The following DMTF1 variants were observed in gnomAD, a reference collection of about 807,000 sequenced individuals.
The protein encoded by DMTF1 is cyclin-D-binding Myb-like transcription factor 1.
Under a neutral mutation model 91.1 loss-of-function variants are expected in DMTF1, and 39 were observed. The observed-to-expected ratio is 0.43, with a 90% CI of 0.33 to 0.56. DMTF1 has a LOEUF of 0.56. Among genes scored for constraint, DMTF1 ranks in the 20% least tolerant of loss-of-function variants. The pLI, the probability that DMTF1 is intolerant of heterozygous loss-of-function variation, is 0.05. For missense variants in DMTF1, 750 were observed against 914.5 expected (o/e 0.82, Z 2.32); for synonymous variants, 338 against 309.5 (o/e 1.09, Z -0.97).
At chr7:87,153,640 T>C (rs929288018) in intron 1 of DMTF1, among the ~76,000 whole-genome samples, 2 of 152,244 alleles carry the variant, frequency 1.3e-5, no homozygotes, top group African/African-American at 4.8e-5. Context: ...CTTTTTAATG[T>C]ACATGGATTT....
chr7:87,164,597 C>G (rs1793365250), intron 2 of DMTF1, among the ~76,000 whole-genome samples: 1 of 152,134 alleles, frequency 6.6e-6, no homozygotes, highest in Admixed American at 6.5e-5. Flanking sequence ...CAAAGCTGTC[C>G]ATAAAAACAC....
intron 6 of DMTF1, among the ~76,000 whole-genome samples, chr7:87,174,238 A>C (rs1364146115): frequency 6.6e-6 from 1 of 152,220 alleles, no homozygotes; most frequent in Non-Finnish European, 1.5e-5. Context: ...TTTTGCCCAT[A>C]AAATTTTCAC....
chr7:87,161,111 A>G (rs1344093466), intron 1 of DMTF1, among the ~76,000 whole-genome samples: 1 of 152,174 alleles, frequency 6.6e-6, no homozygotes, highest in Non-Finnish European at 1.5e-5. Flanking sequence ...GTTACCCATT[A>G]AAAGTGAAAC....
rs577960787 is a variant in DMTF1, at chr7:87,181,768, T to C, written c.710+427T>C. ...GGCTATTGAATCTCAGGAAGTAGAA[T>C]TTTGCTTTATTGAGTTAGACCTTAA... On this transcript the variant is annotated intron_variant, in intron 9 of 17. Transcript: ENST00000331242. Among the ~76,000 whole-genome samples the C allele has an allele frequency of 2.0e-5, 3 of 152,310 alleles. No individual in the cohort carries two copies. In the South Asian group the frequency reaches 6.2e-4, roughly 32 times the overall value.
In DMTF1 at chr7:87,164,954, G is replaced by T. The variant is rs1468799590; in HGVS notation, c.13G>T (p.Glu5Ter). The change falls in exon 3 of 18, where the codon GAA becomes TAA. Residue 5 changes from glutamate to a stop codon, truncating the protein, a stop_gained. Coordinates refer to ENST00000331242, the MANE Select transcript of DMTF1 (RefSeq NM_001142327.2). LOFTEE classifies it high-confidence loss of function. MSTV[E>*]EDSDTVTVET... ...TACAGATTTGAGTATGAGCACAGTG[G>T]AAGAGGATTCTGACACAGTAACAGT... 6.2e-7 allele frequency: 1 copy of T among 1,607,744 alleles called. No individual in the cohort carries two copies. The highest frequency in any genetic ancestry group is 2.2e-5 in the East Asian group (1 of 44,588).
intron 7 of DMTF1, among the ~76,000 whole-genome samples, chr7:87,176,611 A>G (rs935812854): frequency 3.1e-4 from 47 of 152,118 alleles, no homozygotes; most frequent in African/African-American, 1.1e-3. Flanking sequence ...CAGATAACCA[A>G]GTATCTGCAA....
chr7:87,192,574 A>G (rs1349023429), intron 14 of DMTF1: 1 of 152,200 alleles, frequency 6.6e-6, no homozygotes. Flanking sequence ...TTTAGAGTGC[A>G]AATACTTTTT....
chr7:87,178,481 T>C (rs1028272906), intron 7 of DMTF1, among the ~76,000 whole-genome samples: 1 of 152,098 alleles, frequency 6.6e-6, no homozygotes, highest in African/African-American at 2.4e-5. Context: ...TGAATGTTTT[T>C]CCCACATCTG....
chr7:87,165,554 C>G (rs914726213), intron 3 of DMTF1, among the ~76,000 whole-genome samples: 1 of 152,118 alleles, frequency 6.6e-6, no homozygotes, highest in Non-Finnish European at 1.5e-5. Context: ...TAGGTTATGT[C>G]TTCTCTTCTC....
At chr7:87,175,289 G>C (rs964019354) in intron 7 of DMTF1, among the ~76,000 whole-genome samples, 16 of 151,638 alleles carry the variant, frequency 1.1e-4, no homozygotes, top group African/African-American at 3.9e-4. Flanking sequence ...CCAAAGTGTT[G>C]GTATTACAGG....
intron 11 of DMTF1, 84 bp from the exon 12 acceptor site, chr7:87,185,745 C>T (rs1353167255): frequency 6.9e-7 from 1 of 1,451,678 alleles, no homozygotes. Context: ...CCTTTATTTG[C>T]CAGTGCAATT....
intron 1 of DMTF1, among the ~76,000 whole-genome samples, chr7:87,156,259 G>C (rs919070933): frequency 9.2e-5 from 14 of 152,260 alleles, no homozygotes; most frequent in African/African-American, 3.4e-4. Context: ...GATATGAAAT[G>C]CTGCACCTTA....
At chr7:87,193,392 A>G (rs1562860440) in intron 15 of DMTF1, 39 bp downstream of exon 15, 5 of 1,604,924 alleles carry the variant, frequency 3.1e-6, no homozygotes, top group East Asian at 2.2e-5. Flanking sequence ...AGTACCTGTT[A>G]TAGACCAGGA....
intron 13 of DMTF1, among the ~76,000 whole-genome samples, chr7:87,190,024 T>C (rs924933314): frequency 6.6e-6 from 1 of 152,080 alleles, no homozygotes; most frequent in Non-Finnish European, 1.5e-5. Context: ...TAAACTATAA[T>C]AAACATTACA....
chr7:87,192,637 G>T (rs188159518), intron 14 of DMTF1: 1 of 152,100 alleles, frequency 6.6e-6, no homozygotes, highest in African/African-American at 2.4e-5. Context: ...GCTTATGGTC[G>T]TGAAAAGTTT....
chr7:87,188,332 G>C, intron 13 of DMTF1, 31 bp downstream of exon 13: 1 of 1,609,940 alleles, frequency 6.2e-7, no homozygotes, highest in South Asian at 1.1e-5. Context: ...ATTCCTTGCT[G>C]TTTGATCTAT....
chr7:87,167,247 A>C (rs1467498208), intron 4 of DMTF1, among the ~76,000 whole-genome samples: 1 of 152,168 alleles, frequency 6.6e-6, no homozygotes, highest in Non-Finnish European at 1.5e-5. Flanking sequence ...AAAGTTCTTA[A>C]TGTGTTTCTA....
intron 3 of DMTF1, among the ~76,000 whole-genome samples, chr7:87,165,276 TA>T (rs1213834149): frequency 1.2e-5 from 1 of 82,056 alleles, no homozygotes; most frequent in Non-Finnish European, 3.2e-5. Flanking sequence ...ATAACTATAA[TA>T]TATACTTCTT....
chr7:87,156,292 C>G (rs192182941), intron 1 of DMTF1, among the ~76,000 whole-genome samples: 12 of 152,150 alleles, frequency 7.9e-5, no homozygotes, highest in Admixed American at 1.3e-4. Flanking sequence ...TTAAGTAATC[C>G]TCCTTACTCA....
Sources: gnomAD v4.1 joint callset for allele counts (sites outside exome capture counted in the v4.1 genomes callset) on GRCh38, gnomAD v4.1.1 for gene constraint, MANE v1.5 for transcripts, NCBI Gene and HGNC (gene_info 2026-07-23, HGNC 2026-07-21) for gene names.